The following KDM6B variants were observed in gnomAD, a reference collection of about 807,000 sequenced individuals.
KDM6B encodes the protein lysine-specific demethylase 6B.
Under a neutral mutation model 150.4 loss-of-function variants are expected in KDM6B, and 22 were observed. That is an observed-to-expected ratio of 0.15 (90% CI 0.10 to 0.21). The LOEUF (loss-of-function observed/expected upper bound fraction) is 0.21. KDM6B is among the 10% of genes least tolerant of loss of function. The pLI is 1.00. For missense variants in KDM6B, 1,984 were observed against 2,234.3 expected, an observed-to-expected ratio of 0.89 and a Z score of 2.26; for synonymous variants, 1,148 against 921.1, an observed-to-expected ratio of 1.25 and a Z score of -4.46.
Position 7,853,385 on chromosome 17 carries a change from G to T in KDM6B, c.4908+5G>T. 1 of 1,541,262 alleles carries T rather than the reference G, an allele frequency of 6.5e-7. No individual in the cohort carries two copies. The highest frequency in any genetic ancestry group is 8.7e-7 in the Non-Finnish European group (1 of 1,147,934). On this transcript the variant is annotated splice_donor_5th_base_variant and intron_variant, in intron 23 of 23. Coordinates refer to ENST00000448097, the MANE Select transcript of KDM6B (RefSeq NM_001348716.2). Reference sequence around the variant, plus strand: ...GCCTACGACGCCTTCACGCTGGTGAGGGCCCGGCGGGCGCGCGGGCAGCGG... The same window carrying T: ...GCCTACGACGCCTTCACGCTGGTGATGGCCCGGCGGGCGCGCGGGCAGCGG...
At chr17:7,835,747 A>AC (rs528998599) in intron 1 of KDM6B, among the ~76,000 whole-genome samples, 1,883 of 100,956 alleles carry the variant, frequency 0.019, 31 homozygotes, top group African/African-American at 0.064. Context: ...GCTCGCGCCC[A>AC]CCCCCCGCCC....
In KDM6B at chr17:7,847,004, C is replaced by T; in HGVS notation, c.897C>T (p.Pro299=). The T allele has an allele frequency of 6.2e-7, 1 of 1,613,682 alleles. No homozygotes were observed. The highest frequency in any genetic ancestry group is 8.5e-7 in the Non-Finnish European group (1 of 1,179,958). ...AWGPERKGSA[P]PERQEQRHSL... ...GCCCAGAGCGCAAGGGTTCAGCACC[C>T]CCAGAGCGCCAGGTGAGCCCCTGCC... Residue 299 remains proline, a synonymous_variant, in exon 10 of 24, where the codon CCC becomes CCT. Transcript: ENST00000448097.
Position 7,848,034 on chromosome 17 carries a change from C to G in KDM6B, c.1746C>G (p.Asp582Glu). Residue 582 changes from aspartate (D) to glutamate (E), a missense_variant, in exon 12 of 24, where the codon GAC (aspartate) becomes GAG (glutamate). Physicochemically the swap from Asp to Glu is conservative, Grantham distance 45 (BLOSUM62 2). Around this residue, in one of 13 missense-constraint regions of KDM6B, gnomAD observed 1,379 missense variants for 1,275.6 expected, o/e 1.08. Transcript: ENST00000448097. ...PPPPYLARSI[D>E]PLPRPPSPAQ... is the part of the protein sequence containing the mutation. ...CACCCTATCTGGCCAGAAGTATAGA[C>G]CCCCTTCCCCGGCCTCCCAGCCCAG... 6.2e-7 allele frequency: 1 copy of G among 1,611,000 alleles called. No homozygotes were observed. Among genetic ancestry groups the G allele is most frequent in the Non-Finnish European group, 8.5e-7 (1 of 1,178,752 alleles).
At chr17:7,850,584 T>G (rs2078672066) in intron 14 of KDM6B, among the ~76,000 whole-genome samples, 1 of 152,254 alleles carries the variant, frequency 6.6e-6, no homozygotes. Flanking sequence ...TTCCCCACAC[T>G]GAGTTATTTG....
chr17:7,834,390 C>T (rs1273880976), intron 1 of KDM6B, among the ~76,000 whole-genome samples, 40 bp downstream of exon 1: 4 of 152,056 alleles, frequency 2.6e-5, no homozygotes, highest in Admixed American at 2.6e-4. Flanking sequence ...AGAGGGAAAC[C>T]CTCTCCTTGC....
In KDM6B at chr17:7,853,590, G is replaced by A; in HGVS notation, c.*69G>A. On this transcript the variant is annotated 3_prime_UTR_variant, in exon 24 of 24. Coordinates refer to ENST00000448097, the MANE Select transcript of KDM6B (RefSeq NM_001348716.2). ...GGGGCCACCAGCACATGCCTGGGCT[G>A]GACCTAGGTCCCGCCTGTGGCCGAG... 1 of 1,244,426 alleles carries A rather than the reference G, an allele frequency of 8.0e-7. No individual in the cohort carries two copies. The highest frequency in any genetic ancestry group is 1.0e-6 in the Non-Finnish European group (1 of 965,796). The allele number at this position is 1,244,426 out of a possible 1,614,324, so 77.1% of individuals were successfully genotyped here.
chr17:7,845,249 A>G (rs1033093814), intron 3 of KDM6B, 65 bp from the exon 4 acceptor site: 5 of 535,532 alleles, frequency 9.3e-6, no homozygotes, highest in Admixed American at 3.1e-5. Flanking sequence ...CAGTCCGCCC[A>G]TCCCAGCCCC....
chr17:7,849,686 T>G lies in KDM6B; in HGVS notation c.3398T>G (p.Leu1133Arg). Reference sequence around the variant, plus strand: ...GAGCGGCGGCTGCGCATGGCAGACCTCACCATCAGCCACTGTGCTGCTGAC... The same window carrying G: ...GAGCGGCGGCTGCGCATGGCAGACCGCACCATCAGCCACTGTGCTGCTGAC... Reference protein sequence around the residue: ...VEERRLRMADLTISHCAADVV... With the variant: ...VEERRLRMADRTISHCAADVV... Residue 1133 changes from leucine to arginine, a missense_variant, in exon 12 of 24, where the codon CTC becomes CGC. Coordinates refer to ENST00000448097, the MANE Select transcript of KDM6B (RefSeq NM_001348716.2). 1 of 1,610,314 alleles carries G rather than the reference T, an allele frequency of 6.2e-7. No individual in the cohort carries two copies. The highest frequency in any genetic ancestry group is 8.5e-7 in the Non-Finnish European group (1 of 1,179,908).
chr17:7,835,359 C>T (rs754304039), intron 1 of KDM6B, among the ~76,000 whole-genome samples: 3 of 151,696 alleles, frequency 2.0e-5, no homozygotes, highest in Admixed American at 6.6e-5. Flanking sequence ...TGGGGAAGGC[C>T]GAGGGCAGGA....
Position 7,848,647 on chromosome 17 carries a change from C to T in KDM6B, c.2359C>T (p.Pro787Ser), listed in dbSNP as rs775789050. ...ACCGCCTCTAGCCAAGTTCCCTCCA[C>T]CCTCTCAGCCACAGCCACCACCACC... The part of the protein sequence containing the change: ...PPPPLAKFPP[P>S]SQPQPPPPPP... Residue 787 changes from proline to serine, a missense_variant, in exon 12 of 24, where the codon CCC becomes TCC. Around this residue, in one of 13 missense-constraint regions of KDM6B, gnomAD observed 1,379 missense variants for 1,275.6 expected, o/e 1.08. Transcript: ENST00000448097. The T allele has an allele frequency of 2.5e-5, 40 of 1,602,790 alleles. 1 individual carries two copies. In the South Asian group the frequency reaches 4.0e-4, roughly 16 times the overall value.
Position 7,834,265 on chromosome 17 carries a change from A to T in KDM6B, c.-473A>T, listed in dbSNP as rs1382680169. On this transcript the variant is annotated 5_prime_UTR_variant, in exon 1 of 24. Transcript: ENST00000448097. ...CGCCACTGGGCGGAGCGGCCCCCCCAGCCCCGGCCTGGGAGAAGGGGGGGC... is the reference window on the plus strand; with the variant it reads ...CGCCACTGGGCGGAGCGGCCCCCCCTGCCCCGGCCTGGGAGAAGGGGGGGC... Among the ~76,000 whole-genome samples the T allele has an allele frequency of 6.6e-6, 1 of 150,378 alleles. No homozygotes were observed. The highest frequency in any genetic ancestry group is 1.5e-5 in the Non-Finnish European group (1 of 67,480).
chr17:7,846,458 C>G lies in KDM6B; in HGVS notation c.515C>G (p.Pro172Arg), dbSNP rs138166904. The change falls in exon 8 of 24, where the codon CCA (proline) becomes CGA (arginine). Residue 172 changes from proline to arginine, a missense_variant. Transcript: ENST00000448097. ...SCQHRAKVLP[P>R]LEQVWNLLHL... The stretch of plus-strand genomic sequence containing the variant: ...CAGCACCGAGCCAAGGTCCTGCCCC[C>G]ACTGGAGCAAGTGTGGAACTTGCTA... 3 of 1,613,936 alleles carry G rather than the reference C, an allele frequency of 1.9e-6. No homozygotes were observed. Among genetic ancestry groups the G allele is most frequent in the Non-Finnish European group, 2.5e-6 (3 of 1,179,952 alleles).
At chr17:7,839,578 G>A (rs2078384544) in intron 1 of KDM6B, among the ~76,000 whole-genome samples, 1 of 152,142 alleles carries the variant, frequency 6.6e-6, no homozygotes, top group Non-Finnish European at 1.5e-5. Context: ...GCTGGCTTGT[G>A]TACAGATGTC....
In KDM6B at chr17:7,843,744, T is replaced by C. The variant is rs1261995622; in HGVS notation, c.-268-1157T>C. Among the ~76,000 whole-genome samples the C allele has an allele frequency of 5.3e-5, 8 of 151,824 alleles. No homozygotes were observed. Among genetic ancestry groups the C allele is most frequent in the Non-Finnish European group, 4.4e-5 (3 of 67,924 alleles). ...TCTCGCTGCTCTTTGTACTCTAGAC[T>C]CTCAATGGACCGATCCCGGGAGCCG... On this transcript the variant is annotated intron_variant, in intron 2 of 23. Transcript: ENST00000448097. The surrounding 1 kb of genome is among the most constrained non-coding windows in gnomAD (Gnocchi z 4.5).
At chr17:7,835,582 G>T (rs2078318799) in intron 1 of KDM6B, among the ~76,000 whole-genome samples, 1 of 152,102 alleles carries the variant, frequency 6.6e-6, no homozygotes, top group African/African-American at 2.4e-5. Context: ...GAACTCTCCC[G>T]TCCGCCCAAT....
In KDM6B at chr17:7,850,053, T is replaced by A; in HGVS notation, c.3568-19T>A. 15 of 1,613,550 alleles carry A rather than the reference T, an allele frequency of 9.3e-6. No individual in the cohort carries two copies. The highest frequency in any genetic ancestry group is 1.3e-5 in the Non-Finnish European group (15 of 1,179,828). On this transcript the variant is annotated intron_variant, in intron 13 of 23. Transcript: ENST00000448097. ...CCTGGGCCAGGGCTCTGACCCCAGC[T>A]CTCCTGGTCATGTCTCAGCTGGAGA...
At chr17:7,851,838 A>G (rs937839592) in intron 18 of KDM6B, 42 bp downstream of exon 18, 6 of 1,562,300 alleles carry the variant, frequency 3.8e-6, no homozygotes, top group Middle Eastern at 1.7e-4. Flanking sequence ...GAAGCGCGAG[A>G]GGAGGGGCTG....
rs1214462176 is a variant in KDM6B, at chr17:7,852,652, G to T, written c.4610+16G>T. ...AGATGATCAAGTGAGGACCCTATTTGGGTGGGAGCCCACCTCCACTGACTG... is the reference window on the plus strand; with the variant it reads ...AGATGATCAAGTGAGGACCCTATTTTGGTGGGAGCCCACCTCCACTGACTG... On this transcript the variant is annotated intron_variant, in intron 21 of 23. Transcript: ENST00000448097. The T allele has an allele frequency of 1.2e-6, 2 of 1,613,948 alleles. No homozygotes were observed. Among genetic ancestry groups the T allele is most frequent in the South Asian group, 1.1e-5 (1 of 91,086 alleles).
At chr17:7,852,096 C>A (rs773447463) in intron 19 of KDM6B, 31 bp downstream of exon 19, 1 of 1,613,248 alleles carries the variant, frequency 6.2e-7, no homozygotes, top group Non-Finnish European at 8.5e-7. Context: ...GTCAGACTGC[C>A]GCGTCCCCGC....
Sources: gnomAD v4.1 joint callset for allele counts (sites outside exome capture counted in the v4.1 genomes callset) on GRCh38, gnomAD v4.1.1 for gene constraint, gnomAD v4.1.1 regional missense constraint, Gnocchi (gnomAD v3.1) non-coding constraint, MANE v1.5 for transcripts, NCBI Gene and HGNC (gene_info 2026-07-23, HGNC 2026-07-21) for gene names.